Variants in EGFLAM observed in about 807,000 individuals in gnomAD.
EGFLAM encodes the protein EGF like, fibronectin type III and laminin G domains.
EGFLAM carries 79 observed loss-of-function variants against 113.1 expected under a neutral mutation model. The ratio of observed to expected loss-of-function variants is 0.70; its 90% CI spans 0.58 to 0.84. The LOEUF (loss-of-function observed/expected upper bound fraction) is 0.84, where lower values mean the gene tolerates loss of function less well. Among genes scored for constraint, EGFLAM ranks in the 40% least tolerant of loss-of-function variants. EGFLAM has a pLI of 0.00. For missense variants in EGFLAM, 1,265 were observed against 1,291.6 expected, an observed-to-expected ratio of 0.98 and a Z score of 0.32; for synonymous variants, 504 against 487.6, an observed-to-expected ratio of 1.03 and a Z score of -0.44.
At chr5:38,311,670 C>T (rs1366087177) in intron 1 of EGFLAM, among the ~76,000 whole-genome samples, 2 of 152,110 alleles carry the variant, frequency 1.3e-5, no homozygotes, top group East Asian at 1.9e-4. Context: ...GAAATAAAGA[C>T]ATCTATAAAA....
intron 3 of EGFLAM, 99 bp downstream of exon 3, chr5:38,338,880 TAAC>T (rs1258992973): frequency 1.1e-6 from 1 of 937,848 alleles, no homozygotes; most frequent in Non-Finnish European, 1.7e-6. Flanking sequence ...GTAATAATAA[TAAC>T]TAATGCTTGT....
intron 6 of EGFLAM, among the ~76,000 whole-genome samples, chr5:38,394,777 G>C (rs533079251): frequency 5.5e-5 from 7 of 128,328 alleles, no homozygotes; most frequent in African/African-American, 2.1e-4. Flanking sequence ...ACCACTTTCT[G>C]TGCCCACAAC....
intron 20 of EGFLAM, among the ~76,000 whole-genome samples, chr5:38,459,136 G>C (rs1010414279): frequency 2.0e-5 from 3 of 151,962 alleles, no homozygotes; most frequent in African/African-American, 7.2e-5. Flanking sequence ...GACCTCCCAG[G>C]CTCAGGCAGT....
At chr5:38,440,812 C>T in intron 17 of EGFLAM, among the ~76,000 whole-genome samples, 1 of 152,184 alleles carries the variant, frequency 6.6e-6, no homozygotes, top group East Asian at 1.9e-4. Flanking sequence ...AGCACCAGGG[C>T]TCATCCAATC....
intron 1 of EGFLAM, among the ~76,000 whole-genome samples, chr5:38,308,696 A>T (rs1032481766): frequency 1.3e-5 from 2 of 152,076 alleles, no homozygotes; most frequent in African/African-American, 2.4e-5. Flanking sequence ...ATGATGATTG[A>T]CTCTAGGGAA....
In EGFLAM at chr5:38,438,327, T is replaced by C. The variant is rs567359987; in HGVS notation, c.2336T>C (p.Val779Ala). 2.0e-5 allele frequency: 33 copies of C among 1,613,580 alleles called. No homozygotes were observed. In the African/African-American group the frequency reaches 3.7e-4, roughly 18 times the overall value. Residue 779 changes from valine to alanine, a missense_variant, in exon 17 of 22, where the codon GTG becomes GCG. By Grantham distance (64) the Val-to-Ala change is moderately conservative. Coordinates refer to ENST00000322350, the MANE Select transcript of EGFLAM (RefSeq NM_152403.4). ...IHVKHDFTSG[V>A]NVENAAHPCV... ...GTGAAGCATGACTTCACCTCCGGAG[T>C]GAATGTGGAGAATGCGGCCCACCCC... is the stretch of plus-strand genomic sequence containing the variant.
At position 38,387,445 on chromosome 5, in the gene EGFLAM, C is replaced by G. The variant is rs369752903; in HGVS notation, c.712+16983C>G. 4.3e-4 allele frequency among the ~76,000 whole-genome samples: 66 copies of G among 152,292 alleles called. No homozygotes were observed. In the South Asian group the frequency reaches 0.014, roughly 32 times the overall value. On this transcript the variant is annotated intron_variant, in intron 6 of 21. Coordinates refer to ENST00000322350, the MANE Select transcript of EGFLAM (RefSeq NM_152403.4). ...GGAGCCTTTTTGGCTATTCCATCTC[C>G]TCATCTTTTCTCTGATCAGTAAGTT...
chr5:38,265,089 C>T (rs1406919024), intron 1 of EGFLAM, among the ~76,000 whole-genome samples: 1 of 152,204 alleles, frequency 6.6e-6, no homozygotes, highest in African/African-American at 2.4e-5. Flanking sequence ...TGAGGCAAGA[C>T]TTGTTTTTCC....
In EGFLAM at chr5:38,338,535, C is replaced by G. The variant is rs1574337; in HGVS notation, c.208-163C>G. On this transcript the variant is annotated intron_variant, in intron 2 of 21. Coordinates refer to ENST00000322350, the MANE Select transcript of EGFLAM (RefSeq NM_152403.4). ...TCAGGCTTCTGAGTTTGCAACACCC[C>G]CCACCCAACCCAAGTAGGTCTGATG... 1.9e-3 allele frequency among the ~76,000 whole-genome samples: 294 copies of G among 152,292 alleles called. 1 individual carries two copies. Among genetic ancestry groups the G allele is most frequent in the Non-Finnish European group, 3.3e-3 (223 of 68,036 alleles).
At chr5:38,444,422 C>T (rs2112243690) in intron 17 of EGFLAM, among the ~76,000 whole-genome samples, 1 of 152,144 alleles carries the variant, frequency 6.6e-6, no homozygotes, top group East Asian at 1.9e-4. Flanking sequence ...CTATAGTTAA[C>T]AATAATATAT....
chr5:38,439,845 A>T (rs1742475661), intron 17 of EGFLAM, among the ~76,000 whole-genome samples: 1 of 152,172 alleles, frequency 6.6e-6, no homozygotes, highest in African/African-American at 2.4e-5. Context: ...GAATTTACTA[A>T]GTCTCCAATT....
chr5:38,278,780 T>C (rs1757948915), intron 1 of EGFLAM, among the ~76,000 whole-genome samples: 1 of 148,470 alleles, frequency 6.7e-6, no homozygotes, highest in African/African-American at 2.5e-5. Flanking sequence ...TGAGCCACCG[T>C]GCCTGGCCTC....
chr5:38,445,375 C>T, intron 17 of EGFLAM: 1 of 835,262 alleles, frequency 1.2e-6, no homozygotes, highest in Non-Finnish European at 1.6e-6. Context: ...GTGAGGGAGC[C>T]TCAGAAGTGT....
At chr5:38,424,594 C>T (rs572159725) in intron 12 of EGFLAM, among the ~76,000 whole-genome samples, 1 of 152,312 alleles carries the variant, frequency 6.6e-6, no homozygotes, top group South Asian at 2.1e-4. Context: ...CATAAACACC[C>T]TGTTGACATT....
At chr5:38,309,283 T>C (rs1758804517) in intron 1 of EGFLAM, among the ~76,000 whole-genome samples, 2 of 152,214 alleles carry the variant, frequency 1.3e-5, no homozygotes, top group Non-Finnish European at 2.9e-5. Context: ...GGCCATGGTA[T>C]GAGTATTTAC....
At chr5:38,375,060 G>GTTTTTTTTTT (rs74821426) in intron 6 of EGFLAM, among the ~76,000 whole-genome samples, 1 of 107,738 alleles carries the variant, frequency 9.3e-6, no homozygotes, top group African/African-American at 3.6e-5. Flanking sequence ...CTCTGTTGTT[G>GTTTTTTTTTT]TTTTTTTTTT....
intron 11 of EGFLAM, among the ~76,000 whole-genome samples, chr5:38,414,526 G>T (rs1741581632): frequency 6.6e-6 from 1 of 152,166 alleles, no homozygotes; most frequent in Admixed American, 6.5e-5. Context: ...GGGAGGTGAT[G>T]ATCTTATTCT....
chr5:38,446,343 T>C (rs1024541299), intron 17 of EGFLAM, among the ~76,000 whole-genome samples: 3 of 152,122 alleles, frequency 2.0e-5, no homozygotes, highest in Non-Finnish European at 4.4e-5. Flanking sequence ...CCGTCCTTCC[T>C]TGCCCGGTGG....
At chr5:38,289,270 T>TCCC (rs11415030) in intron 1 of EGFLAM, among the ~76,000 whole-genome samples, 72 of 148,448 alleles carry the variant, frequency 4.9e-4, no homozygotes, top group Middle Eastern at 3.6e-3. Flanking sequence ...ACTCTTTCTT[T>TCCC]CCCCGCCCCC....
Sources: allele counts gnomAD v4.1 joint callset (sites outside exome capture counted in the v4.1 genomes callset), GRCh38; gene constraint gnomAD v4.1.1; transcripts MANE v1.5; gene names NCBI Gene and HGNC (gene_info 2026-07-23, HGNC 2026-07-21).